Variants in TBC1D5 observed in about 807,000 individuals in gnomAD.
TBC1D5 encodes the protein TBC1 domain family member 5.
TBC1D5 carries 75 observed loss-of-function variants against 100.3 expected under a neutral mutation model. The observed-to-expected ratio is 0.75, with a 90% CI of 0.62 to 0.91. TBC1D5 has a LOEUF of 0.91. TBC1D5 is among the 40% of genes least tolerant of loss of function. The pLI is 0.00. For synonymous variants in TBC1D5, 323 were observed against 325.6 expected (o/e 0.99, Z 0.09); for missense variants, 910 against 942.4 (o/e 0.97, Z 0.45).
chr3:17,209,430 C>T (rs116466550), intron 18 of TBC1D5, among the ~76,000 whole-genome samples: 3,205 of 152,294 alleles, frequency 0.021, 76 homozygotes, highest in Non-Finnish European at 0.028. Context: ...GGATTACAGG[C>T]GTGAGCCACC....
chr3:17,542,762 T>A (rs1037495677), intron 2 of TBC1D5, among the ~76,000 whole-genome samples: 17 of 152,232 alleles, frequency 1.1e-4, no homozygotes, highest in African/African-American at 4.1e-4. Context: ...ACATTACTTT[T>A]ATCAATTTCC....
At chr3:17,281,645 C>A (rs947835762) in intron 15 of TBC1D5, among the ~76,000 whole-genome samples, 2 of 152,130 alleles carry the variant, frequency 1.3e-5, no homozygotes, top group African/African-American at 4.8e-5. Context: ...TTAAAATTCT[C>A]CATGATAAAA....
chr3:17,269,299 C>T (rs1177341653), intron 15 of TBC1D5, among the ~76,000 whole-genome samples: 1 of 152,096 alleles, frequency 6.6e-6, no homozygotes, highest in Non-Finnish European at 1.5e-5. Flanking sequence ...AGTAAGTTGT[C>T]TACTTCTGAA....
At chr3:17,630,542 A>C (rs2063401656) in intron 1 of TBC1D5, among the ~76,000 whole-genome samples, 1 of 152,088 alleles carries the variant, frequency 6.6e-6, no homozygotes, top group Non-Finnish European at 1.5e-5. Flanking sequence ...ATGTGTTCTG[A>C]CTGCTCCACA....
chr3:17,666,904 CTT>C (rs2067323651), intron 1 of TBC1D5, among the ~76,000 whole-genome samples: 1 of 151,940 alleles, frequency 6.6e-6, no homozygotes, highest in African/African-American at 2.4e-5. Flanking sequence ...AGTATTAGAT[CTT>C]TCGTGTTTTT....
At chr3:17,502,769 C>T (rs1380652611) in intron 3 of TBC1D5, among the ~76,000 whole-genome samples, 3 of 149,282 alleles carry the variant, frequency 2.0e-5, no homozygotes, top group Non-Finnish European at 2.9e-5. Flanking sequence ...TCTAGATTTC[C>T]CTGTCTCAAT....
Position 17,404,675 on chromosome 3 carries a change from G to C in TBC1D5, c.441+19C>G. 1 of 1,581,046 alleles carries C rather than the reference G, an allele frequency of 6.3e-7. No homozygotes were observed. On this transcript the variant is annotated intron_variant, in intron 7 of 21. Transcript: ENST00000253692. Reference sequence around the variant, plus strand: ...TTAGCAGCAAAAGAGGTTAAGACATGAACAAAGACGAACTTTACCCCTTCA... The same window carrying C: ...TTAGCAGCAAAAGAGGTTAAGACATCAACAAAGACGAACTTTACCCCTTCA...
At chr3:17,372,036 C>CA in intron 13 of TBC1D5, 39 bp downstream of exon 13, 3 of 688,302 alleles carry the variant, frequency 4.4e-6, no homozygotes, top group South Asian at 1.9e-5. Context: ...GACTCTGTCT[C>CA]AAAAAACAAA....
At chr3:17,484,377 C>T (rs1033347520) in intron 3 of TBC1D5, among the ~76,000 whole-genome samples, 7 of 151,902 alleles carry the variant, frequency 4.6e-5, no homozygotes, top group African/African-American at 1.5e-4. Flanking sequence ...AAAAGGTCTC[C>T]CGCCCCAGGT....
chr3:17,499,135 A>G (rs1200145782), intron 3 of TBC1D5, among the ~76,000 whole-genome samples: 1 of 152,142 alleles, frequency 6.6e-6, no homozygotes, highest in Non-Finnish European at 1.5e-5. Context: ...TAATTGAGTG[A>G]TATCAAAGAA....
chr3:17,545,122 T>C (rs1281886128), intron 2 of TBC1D5, among the ~76,000 whole-genome samples: 1 of 152,194 alleles, frequency 6.6e-6, no homozygotes, highest in African/African-American at 2.4e-5. Context: ...AGCACTATTA[T>C]GACACCGAAA....
chr3:17,232,032 T>C (rs2075465402), intron 17 of TBC1D5, among the ~76,000 whole-genome samples: 1 of 152,156 alleles, frequency 6.6e-6, no homozygotes, highest in Non-Finnish European at 1.5e-5. Context: ...AAAACAGAGC[T>C]TGACACAGCA....
chr3:17,346,123 G>A (rs2089834963), intron 13 of TBC1D5, among the ~76,000 whole-genome samples: 1 of 151,922 alleles, frequency 6.6e-6, no homozygotes, highest in South Asian at 2.1e-4. Flanking sequence ...AATCTTTAAA[G>A]CAAAAACTCT....
intron 13 of TBC1D5, among the ~76,000 whole-genome samples, chr3:17,370,450 T>C (rs1187351321): frequency 6.6e-6 from 1 of 152,196 alleles, no homozygotes; most frequent in Non-Finnish European, 1.5e-5. Flanking sequence ...AATTTTTATG[T>C]CTATAATCAT....
Position 17,690,507 on chromosome 3 carries a change from C to T in TBC1D5, c.-101+48836G>A, listed in dbSNP as rs552962205. 5.4e-4 allele frequency among the ~76,000 whole-genome samples: 16 copies of T among 29,610 alleles called. 6 individuals are homozygous for T. The highest frequency in any genetic ancestry group is 7.2e-4 in the Non-Finnish European group (10 of 13,946). The allele number at this position is 29,610 out of a possible 152,430, so 19.4% of individuals were successfully genotyped here. On this transcript the variant is annotated intron_variant, in intron 1 of 21. Transcript: ENST00000253692. The stretch of plus-strand genomic sequence containing the variant: ...CTGGGATTACAGGCGTGAGCCACCG[C>T]GCCCGGCCTAAAAATAGCCATATTT...
chr3:17,381,017 T>C (rs1018443973), intron 9 of TBC1D5, among the ~76,000 whole-genome samples: 1 of 152,140 alleles, frequency 6.6e-6, no homozygotes, highest in Non-Finnish European at 1.5e-5. Flanking sequence ...TCAGTCCTTC[T>C]ACAGCAAGGT....
At chr3:17,467,746 A>AT (rs1249951644) in intron 3 of TBC1D5, among the ~76,000 whole-genome samples, 24 of 151,888 alleles carry the variant, frequency 1.6e-4, no homozygotes, top group Non-Finnish European at 1.6e-4. Context: ...AATAATAATA[A>AT]AATAACCAGG....
intron 8 of TBC1D5, among the ~76,000 whole-genome samples, chr3:17,400,000 A>G (rs2093605918): frequency 6.6e-6 from 1 of 152,022 alleles, no homozygotes; most frequent in Non-Finnish European, 1.5e-5. Flanking sequence ...CCTTCTAGCT[A>G]TCTAGTTACT....
intron 14 of TBC1D5, among the ~76,000 whole-genome samples, chr3:17,301,813 A>G (rs2082872775): frequency 6.6e-6 from 1 of 152,176 alleles, no homozygotes; most frequent in African/African-American, 2.4e-5. Context: ...CAGGGGAAGC[A>G]AGGAATCACA....
Sources: gnomAD v4.1 joint callset for allele counts (sites outside exome capture counted in the v4.1 genomes callset) on GRCh38, gnomAD v4.1.1 for gene constraint, MANE v1.5 for transcripts, NCBI Gene and HGNC (gene_info 2026-07-23, HGNC 2026-07-21) for gene names.